The following EIF3M variants were observed in gnomAD, a reference collection of about 807,000 sequenced individuals.
The protein encoded by EIF3M is B5 receptor.
EIF3M carries 25 observed loss-of-function variants against 49.7 expected under a neutral mutation model. That is an observed-to-expected ratio of 0.50 (90% CI 0.37 to 0.70). EIF3M has a LOEUF of 0.70. Ranked by LOEUF, EIF3M falls within the 30% of genes least tolerant of loss-of-function variation. The pLI is 0.00. For missense variants in EIF3M, 350 were observed against 440.0 expected, an observed-to-expected ratio of 0.80 and a Z score of 1.83; for synonymous variants, 156 against 149.8, an observed-to-expected ratio of 1.04 and a Z score of -0.30.
intron 1 of EIF3M, among the ~76,000 whole-genome samples, chr11:32,586,325 G>T (rs1854997281): frequency 6.6e-6 from 1 of 152,132 alleles, no homozygotes; most frequent in Admixed American, 6.5e-5. Flanking sequence ...TATATAATTC[G>T]GTAGTAGGGT....
chr11:32,584,164 G>T (rs967376258), intron 1 of EIF3M: 3 of 583,534 alleles, frequency 5.1e-6, no homozygotes, highest in Non-Finnish European at 3.0e-6. Flanking sequence ...CCTGGTCGGC[G>T]TCGGGACTCA....
rs79856814 is a variant in EIF3M at position 32,594,236 on chromosome 11, A to G, written c.617+287A>G. 252 of 254,128 alleles carry G rather than the reference A, an allele frequency of 9.9e-4. 1 individual carries two copies. The highest frequency in any genetic ancestry group is 4.9e-3 in the African/African-American group (223 of 45,180). 15.7% of individuals were successfully genotyped at this position (254,128 alleles called of 1,614,324 possible). A position where few individuals can be genotyped will look rare whatever the true frequency, so the allele number is the denominator to read the frequency against. ...AGAATTAGAACCTAATCTTGGGCCAATTGACCCTAATTTTAAGGTTATAGG... is the reference window on the plus strand; with the variant it reads ...AGAATTAGAACCTAATCTTGGGCCAGTTGACCCTAATTTTAAGGTTATAGG... On this transcript the variant is annotated intron_variant, in intron 6 of 10. Coordinates refer to ENST00000531120, the MANE Select transcript of EIF3M (RefSeq NM_006360.6).
Position 32,602,424 on chromosome 11 carries a change from C to CT in EIF3M, c.*28dup. ...AGTTTTTATGCTTATAATTTTTGTTCTTTGAAAAAAAAGCCCTAAATCATA... is the reference window on the plus strand; with the variant it reads ...AGTTTTTATGCTTATAATTTTTGTTCTTTTGAAAAAAAAGCCCTAAATCATA... On this transcript the variant is annotated 3_prime_UTR_variant, in exon 11 of 11. Coordinates refer to ENST00000531120, the MANE Select transcript of EIF3M (RefSeq NM_006360.6). 1 of 1,595,604 alleles carries CT rather than the reference C, an allele frequency of 6.3e-7. No individual in the cohort carries two copies. The highest frequency in any genetic ancestry group is 8.5e-7 in the Non-Finnish European group (1 of 1,172,158).
At position 32,593,903 on chromosome 11, in the gene EIF3M, A is replaced by C; in HGVS notation, c.571A>C (p.Ser191Arg). The C allele has an allele frequency of 2.5e-6, 4 of 1,580,154 alleles. No homozygotes were observed. The highest frequency in any genetic ancestry group is 3.4e-6 in the Non-Finnish European group (4 of 1,164,548). Residue 191 changes from serine to arginine, a missense_variant, in exon 6 of 11, where the codon AGT (serine) becomes CGT (arginine). By Grantham distance (110) the Ser-to-Arg change is moderately radical. Transcript: ENST00000531120. ...ASKVMVELLG[S>R]YTEDNASQAR... ...AAAAGTCATGGTGGAATTGCTCGGA[A>C]GTTACACAGAGGACAATGCTTCCCA...
intron 5 of EIF3M, among the ~76,000 whole-genome samples, chr11:32,591,039 C>T (rs997718588): frequency 1.3e-5 from 2 of 152,056 alleles, no homozygotes; most frequent in African/African-American, 2.4e-5. Flanking sequence ...TTAGTAGAGA[C>T]AGAATTTCAC....
chr11:32,587,022 T>C lies in EIF3M; in HGVS notation c.53T>C (p.Leu18Pro), dbSNP rs1385811232. 8 of 1,610,082 alleles carry C rather than the reference T, an allele frequency of 5.0e-6. No homozygotes were observed. Among genetic ancestry groups the C allele is most frequent in the African/African-American group, 1.3e-5 (1 of 74,734 alleles). The change falls in exon 2 of 11, where the codon CTT becomes CCT. Residue 18 changes from leucine (L) to proline (P), a missense_variant. Coordinates refer to ENST00000531120, the MANE Select transcript of EIF3M (RefSeq NM_006360.6). ...DISEEDQAAE[L>P]RAYLKSKGAE... ...AGCAATCCTCAACAGGCTGCTGAGC[T>C]TCGTGCTTATCTGAAATCTAAAGGA... is the stretch of plus-strand genomic sequence containing the variant.
chr11:32,592,317 A>G, intron 5 of EIF3M: 1 of 540,742 alleles, frequency 1.8e-6, no homozygotes, highest in South Asian at 1.5e-5. Flanking sequence ...CATGATCATC[A>G]AAAGTTACAA....
chr11:32,585,066 A>C (rs1301165392), intron 1 of EIF3M, among the ~76,000 whole-genome samples: 1 of 152,202 alleles, frequency 6.6e-6, no homozygotes, highest in African/African-American at 2.4e-5. Context: ...AACTTACAGA[A>C]TTGCGGGAGT....
At position 32,604,273 on chromosome 11, in the gene EIF3M, GC is replaced by G. The variant is rs1193611019; in HGVS notation, c.*1876del. 1.3e-5 allele frequency: 2 copies of G among 152,062 alleles called. No individual in the cohort carries two copies. The highest frequency in any genetic ancestry group is 2.9e-5 in the Non-Finnish European group (2 of 68,070). The allele number at this position is 152,062 out of a possible 1,614,324, so 9.4% of individuals were successfully genotyped here. On this transcript the variant is annotated 3_prime_UTR_variant, in exon 11 of 11. Coordinates refer to ENST00000531120, the MANE Select transcript of EIF3M (RefSeq NM_006360.6). ...TGAGTACCTTGGACTACAGGCATGT[GC>G]CACCACACCCAGGTAATTTTTGTAT...
intron 5 of EIF3M, chr11:32,591,927 C>T (rs1855108720): frequency 3.7e-6 from 1 of 271,168 alleles, no homozygotes; most frequent in African/African-American, 2.3e-5. Context: ...GTTCCCACCA[C>T]CACCGTAATT....
chr11:32,586,245 A>C (rs1249237971), intron 1 of EIF3M, among the ~76,000 whole-genome samples: 1 of 149,846 alleles, frequency 6.7e-6, no homozygotes, highest in Non-Finnish European at 1.5e-5. Context: ...CTCCATCTCA[A>C]AACAAAACAA....
intron 1 of EIF3M, among the ~76,000 whole-genome samples, chr11:32,584,474 G>A (rs2133190454): frequency 6.6e-6 from 1 of 152,150 alleles, no homozygotes. Context: ...CGGGCGCGGT[G>A]GCACGCGCCT....
chr11:32,601,914 A>C (rs963948043), intron 10 of EIF3M, 92 bp downstream of exon 10: 2 of 1,314,342 alleles, frequency 1.5e-6, no homozygotes, highest in South Asian at 1.3e-5. Context: ...AGGTGGTGTT[A>C]TCACTTGACT....
At chr11:32,594,636 G>A (rs1590522584) in intron 6 of EIF3M, 2 of 277,940 alleles carry the variant, frequency 7.2e-6, no homozygotes, top group East Asian at 1.5e-4. Context: ...TAGTGTCTTG[G>A]CATGTGGTTC....
chr11:32,601,119 C>T (rs1024316399), intron 9 of EIF3M: 2 of 213,550 alleles, frequency 9.4e-6, no homozygotes, highest in Non-Finnish European at 1.8e-5. Context: ...TAAGACCAGG[C>T]CCTTCCTTTG....
chr11:32,588,945 G>A (rs1313456342), intron 3 of EIF3M, 67 bp from the exon 4 acceptor site: 19 of 1,589,218 alleles, frequency 1.2e-5, no homozygotes, highest in South Asian at 1.1e-4. Context: ...TTTGTGGTGA[G>A]AGCTAACCTC....
intron 4 of EIF3M, among the ~76,000 whole-genome samples, 170 bp downstream of exon 4, chr11:32,589,305 C>T (rs1200069862): frequency 1.3e-5 from 2 of 152,118 alleles, no homozygotes; most frequent in Non-Finnish European, 2.9e-5. Flanking sequence ...GCCTCCTGAG[C>T]AGCTGGGATT....
intron 8 of EIF3M, among the ~76,000 whole-genome samples, chr11:32,596,551 A>G (rs1855181693): frequency 1.3e-5 from 2 of 151,206 alleles, no homozygotes; most frequent in Non-Finnish European, 2.9e-5. Context: ...CAGTGAGCCA[A>G]GACTGTGCCA....
chr11:32,589,249 T>C (rs1855055125), intron 4 of EIF3M, 114 bp downstream of exon 4: 2 of 1,467,092 alleles, frequency 1.4e-6, no homozygotes, highest in East Asian at 2.4e-5. Context: ...CAATCTCAGC[T>C]CACCGCAACC....
Sources: allele counts gnomAD v4.1 joint callset (sites outside exome capture counted in the v4.1 genomes callset), GRCh38; gene constraint gnomAD v4.1.1; transcripts MANE v1.5; gene names NCBI Gene and HGNC (gene_info 2026-07-23, HGNC 2026-07-21).